Variants in FNIP2 observed in about 807,000 individuals in gnomAD.
FNIP2 encodes the protein folliculin-interacting protein 2.
Under a neutral mutation model 108.7 loss-of-function variants are expected in FNIP2, and 32 were observed. That is an observed-to-expected ratio of 0.29 (90% CI 0.22 to 0.40). The LOEUF is 0.40. Ranked by LOEUF, FNIP2 falls within the 10% of genes least tolerant of loss-of-function variation. FNIP2 has a pLI of 1.00. For missense variants in FNIP2, 1,202 were observed against 1,381.6 expected (o/e 0.87, Z 2.06); for synonymous variants, 480 against 496.7 (o/e 0.97, Z 0.45).
chr4:158,804,596 A>AGAGATGAGGTCTTGCTTGCTAT (rs1183059494), intron 1 of FNIP2, among the ~76,000 whole-genome samples: 2 of 152,030 alleles, frequency 1.3e-5, no homozygotes, highest in Non-Finnish European at 2.9e-5. Flanking sequence ...AATTTTTTGT[A>AGAGATGAGGTCTTGCTTGCTAT]GAGATGAGGT....
At chr4:158,885,674 A>G (rs1781989963) in intron 14 of FNIP2, among the ~76,000 whole-genome samples, 1 of 152,210 alleles carries the variant, frequency 6.6e-6, no homozygotes, top group African/African-American at 2.4e-5. Context: ...TTTCTCACAG[A>G]AAACTTGTGC....
intron 7 of FNIP2, among the ~76,000 whole-genome samples, chr4:158,845,321 C>A (rs552622332): frequency 6.6e-6 from 1 of 152,334 alleles, no homozygotes; most frequent in South Asian, 2.1e-4. Flanking sequence ...TAGCACTGAA[C>A]TCATGCAAAA....
intron 16 of FNIP2, among the ~76,000 whole-genome samples, chr4:158,901,899 A>C (rs1729320383): frequency 1.3e-5 from 2 of 151,564 alleles, no homozygotes; most frequent in African/African-American, 4.9e-5. Context: ...ACCTTTTTTC[A>C]AGGTTCTTAG....
At chr4:158,862,567 AGTCTAGT>A (rs1490082212) in intron 12 of FNIP2, among the ~76,000 whole-genome samples, 1 of 152,256 alleles carries the variant, frequency 6.6e-6, no homozygotes, top group Admixed American at 6.5e-5. Context: ...GGAGGAATAA[AGTCTAGT>A]GTTCTTTAGC....
chr4:158,894,290 C>T (rs1270269306), intron 15 of FNIP2, among the ~76,000 whole-genome samples: 1 of 151,776 alleles, frequency 6.6e-6, no homozygotes, highest in Non-Finnish European at 1.5e-5. Context: ...CCCACCTCAG[C>T]CTCCTGATTA....
chr4:158,859,274 T>C lies in FNIP2; in HGVS notation c.1059+16T>C. On this transcript the variant is annotated intron_variant, in intron 9 of 16. Transcript: ENST00000264433. ...AATTGAAAAGGTAATAAGGATGTAATCCAAAGTCAAATAGAGAAGTGATTG... is the reference window on the plus strand; with the variant it reads ...AATTGAAAAGGTAATAAGGATGTAACCCAAAGTCAAATAGAGAAGTGATTG... The C allele has an allele frequency of 6.3e-7, 1 of 1,585,568 alleles. No homozygotes were observed. Among genetic ancestry groups the C allele is most frequent in the Non-Finnish European group, 8.6e-7 (1 of 1,163,728 alleles).
In FNIP2 at chr4:158,869,092, T is replaced by G. The variant is rs748655251; in HGVS notation, c.2456T>G (p.Leu819Trp). The change falls in exon 13 of 17, where the codon TTG becomes TGG. Residue 819 changes from leucine (L) to tryptophan (W), a missense_variant. Physicochemically the swap from Leu to Trp is moderately conservative, Grantham distance 61 (BLOSUM62 -2). Coordinates refer to ENST00000264433, the MANE Select transcript of FNIP2 (RefSeq NM_020840.3). ...IAGQLSHAAD[L>W]GTASHGAGGT... The stretch of plus-strand genomic sequence containing the variant: ...GGGCAGCTCAGCCACGCTGCTGACT[T>G]GGGCACAGCCTCCCACGGTGCAGGA... 1.2e-6 allele frequency: 2 copies of G among 1,613,884 alleles called. No individual in the cohort carries two copies. The highest frequency in any genetic ancestry group is 2.7e-5 in the African/African-American group (2 of 74,920).
At chr4:158,810,444 C>T (rs960694122) in intron 1 of FNIP2, among the ~76,000 whole-genome samples, 1 of 152,124 alleles carries the variant, frequency 6.6e-6, no homozygotes, top group East Asian at 1.9e-4. Flanking sequence ...TTTTACGTAC[C>T]ATGAGAATTT....
intron 1 of FNIP2, among the ~76,000 whole-genome samples, chr4:158,798,590 A>G (rs1038093590): frequency 3.9e-5 from 6 of 152,210 alleles, no homozygotes; most frequent in Non-Finnish European, 8.8e-5. Flanking sequence ...GGTTTGGTTC[A>G]TGTATCATCA....
At chr4:158,879,779 A>G (rs1781481292) in intron 14 of FNIP2, among the ~76,000 whole-genome samples, 1 of 150,460 alleles carries the variant, frequency 6.6e-6, no homozygotes, top group East Asian at 2.0e-4. Context: ...AAAAGTGGGC[A>G]AAGGATATGA....
rs553414900 is a variant in FNIP2 at position 158,777,942 on chromosome 4, G to A, written c.107+8623G>A. Among the ~76,000 whole-genome samples the A allele has an allele frequency of 7.9e-5, 12 of 151,918 alleles. No homozygotes were observed. In the South Asian group the frequency reaches 8.3e-4, roughly 11 times the overall value. On this transcript the variant is annotated intron_variant, in intron 1 of 16. Coordinates refer to ENST00000264433, the MANE Select transcript of FNIP2 (RefSeq NM_020840.3). ...TACCATTGCTGTACCAGTTTCTTTC[G>A]TATCCTTTTGGAAATACTCTATGCA...
intron 1 of FNIP2, chr4:158,794,715 C>A (rs1370381746): frequency 1.3e-5 from 2 of 152,418 alleles, no homozygotes; most frequent in Middle Eastern, 3.4e-3. Context: ...TTTCTTATTG[C>A]AGTTTTAAAT....
intron 14 of FNIP2, among the ~76,000 whole-genome samples, chr4:158,881,876 G>A (rs536412392): frequency 7.9e-5 from 12 of 152,168 alleles, no homozygotes; most frequent in Admixed American, 2.6e-4. Flanking sequence ...CCGCCACCCC[G>A]TCTGGGAAGT....
chr4:158,841,525 C>G (rs1315880101), intron 7 of FNIP2, among the ~76,000 whole-genome samples: 1 of 152,158 alleles, frequency 6.6e-6, no homozygotes, highest in Non-Finnish European at 1.5e-5. Flanking sequence ...TAGAGAGGAG[C>G]AAGAGCAAAG....
chr4:158,839,765 G>C (rs1779019730), intron 7 of FNIP2, among the ~76,000 whole-genome samples: 1 of 152,050 alleles, frequency 6.6e-6, no homozygotes, highest in Non-Finnish European at 1.5e-5. Context: ...ATCTGTGAGG[G>C]GTTGGGGTGA....
intron 1 of FNIP2, among the ~76,000 whole-genome samples, chr4:158,775,516 T>C (rs1035413703): frequency 2.0e-5 from 3 of 151,806 alleles, no homozygotes; most frequent in African/African-American, 4.8e-5. Flanking sequence ...GGAACATCCA[T>C]GACTCACTAC....
chr4:158,861,008 G>A (rs1560808880), intron 10 of FNIP2, among the ~76,000 whole-genome samples: 1 of 152,178 alleles, frequency 6.6e-6, no homozygotes, highest in Non-Finnish European at 1.5e-5. Context: ...TCAAGAAGCT[G>A]AAAGTGAGGC....
chr4:158,840,895 G>A (rs755222912), intron 7 of FNIP2, among the ~76,000 whole-genome samples: 3 of 152,140 alleles, frequency 2.0e-5, no homozygotes, highest in Non-Finnish European at 4.4e-5. Context: ...CTTAAAAGTG[G>A]TAAAATAAAG....
chr4:158,810,030 T>G (rs1777186661), intron 1 of FNIP2, among the ~76,000 whole-genome samples: 1 of 152,226 alleles, frequency 6.6e-6, no homozygotes, highest in South Asian at 2.1e-4. Context: ...CAGTCTTTAT[T>G]TATAGCAGTT....
Sources: gnomAD v4.1 joint callset for allele counts (sites outside exome capture counted in the v4.1 genomes callset) on GRCh38, gnomAD v4.1.1 for gene constraint, MANE v1.5 for transcripts, NCBI Gene and HGNC (gene_info 2026-07-23, HGNC 2026-07-21) for gene names.